Variants in SH3BP4 observed in about 807,000 individuals in gnomAD.
The protein encoded by SH3BP4 is SH3 domain-binding protein 4.
SH3BP4 carries 33 observed loss-of-function variants against 65.5 expected under a neutral mutation model. That is an observed-to-expected ratio of 0.50 (90% CI 0.38 to 0.67). SH3BP4 has a LOEUF of 0.67. Ranked by LOEUF, SH3BP4 falls within the 30% of genes least tolerant of loss-of-function variation. The pLI is 0.00. For synonymous variants in SH3BP4, 552 were observed against 545.5 expected, an observed-to-expected ratio of 1.01 and a Z score of -0.17; for missense variants, 1,134 against 1,261.4, an observed-to-expected ratio of 0.90 and a Z score of 1.53.
chr2:235,043,981 G>A (rs1695762423), intron 4 of SH3BP4, among the ~76,000 whole-genome samples: 1 of 152,362 alleles, frequency 6.6e-6, no homozygotes, highest in Middle Eastern at 3.4e-3. Flanking sequence ...CCAGATGCGG[G>A]TGGGGGCAGA....
chr2:235,040,839 A>C, intron 3 of SH3BP4, 49 bp from the exon 4 acceptor site: 1 of 1,534,902 alleles, frequency 6.5e-7, no homozygotes. Flanking sequence ...CTCTCCGGAC[A>C]CCCCGCCGGC....
Position 235,042,611 on chromosome 2 carries a change from A to G in SH3BP4, c.1842A>G (p.Lys614=). 6.2e-7 allele frequency: 1 copy of G among 1,614,004 alleles called. No individual in the cohort carries two copies. Among genetic ancestry groups the G allele is most frequent in the Non-Finnish European group, 8.5e-7 (1 of 1,180,020 alleles). ...FCVQTPQPPP[K]SAIKPSGQRR... Reference sequence around the variant, plus strand: ...TCCAGACTCCTCAGCCACCCCCTAAAAGTGCCATCAAGCCTTCCGGGCAAA... The same window carrying G: ...TCCAGACTCCTCAGCCACCCCCTAAGAGTGCCATCAAGCCTTCCGGGCAAA... Residue 614 remains lysine, a synonymous_variant, in exon 4 of 6, where the codon AAA becomes AAG. Coordinates refer to ENST00000392011, the MANE Select transcript of SH3BP4 (RefSeq NM_014521.3). The surrounding 1 kb of genome is among the most constrained non-coding windows in gnomAD (Gnocchi z 7.3).
At chr2:235,020,305 G>A (rs1694814382) in intron 2 of SH3BP4, among the ~76,000 whole-genome samples, 2 of 152,322 alleles carry the variant, frequency 1.3e-5, no homozygotes, top group East Asian at 1.9e-4. Flanking sequence ...GGATCAGCCT[G>A]GACAGCATGG....
rs1360696104 is a variant in SH3BP4 at position 235,041,198 on chromosome 2, G to A, written c.429G>A (p.Gly143=). ...DEVAKELELL[G]GWTDDKKVPG... Reference sequence around the variant, plus strand: ...TAGCCAAGGAGCTGGAGCTGCTCGGGGGATGGACAGATGACAAAAAAGTAC... The same window carrying A: ...TAGCCAAGGAGCTGGAGCTGCTCGGAGGATGGACAGATGACAAAAAAGTAC... Residue 143 remains glycine (G), a synonymous_variant, in exon 4 of 6, where the codon GGG becomes GGA. Transcript: ENST00000392011. This position sits in a 1 kb window ranked among gnomAD's most constrained non-coding sequence, Gnocchi z 6.0. 1.2e-6 allele frequency: 2 copies of A among 1,614,108 alleles called. No individual in the cohort carries two copies. The highest frequency in any genetic ancestry group is 2.7e-5 in the African/African-American group (2 of 75,014).
chr2:234,993,317 G>A (rs1046202473), intron 1 of SH3BP4, among the ~76,000 whole-genome samples: 1 of 152,194 alleles, frequency 6.6e-6, no homozygotes, highest in Non-Finnish European at 1.5e-5. Flanking sequence ...CACTGGAGGC[G>A]GATACCCACT....
intron 3 of SH3BP4, 22 bp from the exon 4 acceptor site, chr2:235,040,866 G>A: frequency 6.3e-7 from 1 of 1,598,840 alleles, no homozygotes. Context: ...CTCACCATCT[G>A]TTTTCTTTGT....
intron 1 of SH3BP4, chr2:234,994,751 G>A (rs1006197963): frequency 2.0e-5 from 3 of 152,224 alleles, no homozygotes; most frequent in Non-Finnish European, 4.4e-5. Context: ...GTGAGAAAAG[G>A]CACAATAAGC....
intron 2 of SH3BP4, among the ~76,000 whole-genome samples, chr2:234,998,167 G>A (rs913314279): frequency 2.6e-5 from 4 of 152,082 alleles, no homozygotes; most frequent in African/African-American, 9.7e-5. Context: ...CCAGCCTGCA[G>A]ACCGGCTGCA....
intron 2 of SH3BP4, chr2:234,995,673 C>T (rs532504439): frequency 6.6e-6 from 1 of 152,424 alleles, no homozygotes; most frequent in South Asian, 2.1e-4. Context: ...CCAGAACAGC[C>T]CCGTGTTTCT....
At position 235,041,755 on chromosome 2, in the gene SH3BP4, C is replaced by A. The variant is rs868070947; in HGVS notation, c.986C>A (p.Ala329Asp). The A allele has an allele frequency of 6.2e-7, 1 of 1,604,558 alleles. No individual in the cohort carries two copies. The highest frequency in any genetic ancestry group is 1.7e-5 in the Admixed American group (1 of 59,664). Residue 329 changes from alanine (A) to aspartate (D), a missense_variant, in exon 4 of 6, where the codon GCT (alanine) becomes GAT (aspartate). Coordinates refer to ENST00000392011, the MANE Select transcript of SH3BP4 (RefSeq NM_014521.3). The surrounding 1 kb of genome is among the most constrained non-coding windows in gnomAD (Gnocchi z 6.0). ...TGCAAGCTGGATAGCTCCGGGGGTG[C>A]TGTCCAGCTTCCTGACACCAGCATC... ...IVCKLDSSGG[A>D]VQLPDTSISI...
At position 235,053,618 on chromosome 2, in the gene SH3BP4, C is replaced by T; in HGVS notation, c.2694C>T (p.Phe898=). 1 of 1,614,178 alleles carries T rather than the reference C, an allele frequency of 6.2e-7. No individual in the cohort carries two copies. Among genetic ancestry groups the T allele is most frequent in the South Asian group, 1.1e-5 (1 of 91,070 alleles). ...SEAMWKPAYD[F]LLTWSHQIGD... ...CCATGTGGAAGCCTGCGTATGACTT[C>T]TTACTCACCTGGAGCCATCAGATCG... The change falls in exon 6 of 6, where the codon TTC becomes TTT. Residue 898 remains phenylalanine (F), a synonymous_variant. Coordinates refer to ENST00000392011, the MANE Select transcript of SH3BP4 (RefSeq NM_014521.3).
intron 1 of SH3BP4, among the ~76,000 whole-genome samples, chr2:234,957,404 C>T (rs1367456092): frequency 2.6e-5 from 4 of 151,970 alleles, no homozygotes; most frequent in Non-Finnish European, 5.9e-5. Context: ...TCCTGCTCAC[C>T]ATTCATTGCA....
intron 2 of SH3BP4, among the ~76,000 whole-genome samples, chr2:234,999,851 C>G (rs1422637521): frequency 2.0e-5 from 3 of 152,252 alleles, no homozygotes; most frequent in Admixed American, 6.5e-5. Context: ...GCAGCTGGCT[C>G]TGTCACGCGG....
At chr2:234,962,555 GA>G (rs1363619035) in intron 1 of SH3BP4, among the ~76,000 whole-genome samples, 3 of 151,818 alleles carry the variant, frequency 2.0e-5, no homozygotes, top group South Asian at 2.1e-4. Context: ...AATGTAAAAA[GA>G]AAAAAAATCA....
rs554220268 is a variant in SH3BP4, at chr2:234,953,062, C to T, written c.-207+892C>T. 2.0e-5 allele frequency: 3 copies of T among 152,346 alleles called. No individual in the cohort carries two copies. In the South Asian group the frequency reaches 6.2e-4, roughly 32 times the overall value. The allele number at this position is 152,346 out of a possible 1,614,324, so 9.4% of individuals were successfully genotyped here. On this transcript the variant is annotated intron_variant, in intron 1 of 5. Transcript: ENST00000392011. The stretch of plus-strand genomic sequence containing the variant: ...CTCAGCGAGCAGAGGGTCGTGGAGC[C>T]TGATGGATCGATGAGATCTGAAAAA...
At chr2:235,021,325 G>A (rs1053258950) in intron 2 of SH3BP4, among the ~76,000 whole-genome samples, 1 of 152,070 alleles carries the variant, frequency 6.6e-6, no homozygotes, top group African/African-American at 2.4e-5. Context: ...AAGTTTATTT[G>A]GAAGAGGGCC....
At chr2:235,048,177 T>G (rs1374830113) in intron 4 of SH3BP4, among the ~76,000 whole-genome samples, 1 of 152,012 alleles carries the variant, frequency 6.6e-6, no homozygotes, top group Non-Finnish European at 1.5e-5. Flanking sequence ...TGGCTGTTAA[T>G]GTGGGAGAGG....
chr2:234,981,992 G>A (rs1276599885), intron 1 of SH3BP4, among the ~76,000 whole-genome samples: 3 of 152,158 alleles, frequency 2.0e-5, no homozygotes, highest in Admixed American at 6.5e-5. Flanking sequence ...CCTGAGGCTG[G>A]GCTTTTTGGG....
Position 235,046,513 on chromosome 2 carries a change from A to G in SH3BP4, c.2478+3266A>G, listed in dbSNP as rs377503221. Among the ~76,000 whole-genome samples the G allele has an allele frequency of 1.3e-5, 2 of 152,056 alleles. No individual in the cohort carries two copies. Among genetic ancestry groups the G allele is most frequent in the Non-Finnish European group, 1.5e-5 (1 of 68,024 alleles). The stretch of plus-strand genomic sequence containing the variant: ...CTTGAGCCCAGGAGGTCGAGGCTAC[A>G]CTGAGCTATGATCGCAGCACTGCAC... On this transcript the variant is annotated intron_variant, in intron 4 of 5. Coordinates refer to ENST00000392011, the MANE Select transcript of SH3BP4 (RefSeq NM_014521.3). This position sits in a 1 kb window ranked among gnomAD's most constrained non-coding sequence, Gnocchi z 4.2.
Sources: allele counts gnomAD v4.1 joint callset (sites outside exome capture counted in the v4.1 genomes callset), GRCh38; gene constraint gnomAD v4.1.1; non-coding constraint Gnocchi (gnomAD v3.1); transcripts MANE v1.5; gene names NCBI Gene and HGNC (gene_info 2026-07-23, HGNC 2026-07-21).